Variants in EYA2 observed in about 807,000 individuals in gnomAD.
EYA2 encodes the protein EYA transcriptional coactivator and phosphatase 2, also known as protein phosphatase EYA2.
Under a neutral mutation model 69.2 loss-of-function variants are expected in EYA2, and 31 were observed. The ratio of observed to expected loss-of-function variants is 0.45; its 90% CI spans 0.34 to 0.60. EYA2 has a LOEUF of 0.60. Ranked by LOEUF, EYA2 falls within the 20% of genes least tolerant of loss-of-function variation. The probability of loss-of-function intolerance (pLI) is 0.02; values close to 1 mark genes in which losing one functional copy is unlikely to be tolerated. For missense variants in EYA2, 622 were observed against 701.2 expected (o/e 0.89, Z 1.28); for synonymous variants, 257 against 279.4 (o/e 0.92, Z 0.80).
At chr20:47,040,036 T>C (rs952811442) in intron 5 of EYA2, among the ~76,000 whole-genome samples, 11 of 151,936 alleles carry the variant, frequency 7.2e-5, no homozygotes, top group Non-Finnish European at 1.6e-4. Flanking sequence ...AGACGGGGTT[T>C]CACCATGTTG....
rs2034264442 is a variant in EYA2, at chr20:47,169,064, C to T, written c.979-75C>T. ...TCATCCCAGCCCTCAGCTTATGAGG[C>T]CAACCCTTGAAGGCTACATCAGATT... is the stretch of plus-strand genomic sequence containing the variant. On this transcript the variant is annotated intron_variant, in intron 10 of 15. Coordinates refer to ENST00000327619, the MANE Select transcript of EYA2 (RefSeq NM_005244.5). 2.8e-6 allele frequency: 4 copies of T among 1,414,540 alleles called. No individual in the cohort carries two copies. The South Asian group carries it at 4.6e-5, about 16-fold the overall frequency. The allele number at this position is 1,414,540 out of a possible 1,614,324, so 87.6% of individuals were successfully genotyped here.
intron 1 of EYA2, among the ~76,000 whole-genome samples, chr20:46,983,489 CATCCTT>C (rs1288223764): frequency 6.6e-6 from 1 of 152,196 alleles, no homozygotes; most frequent in African/African-American, 2.4e-5. Flanking sequence ...CAAGGCTCCT[CATCCTT>C]ATTGGCCATG....
chr20:47,008,106 G>A (rs1982832536), intron 4 of EYA2, among the ~76,000 whole-genome samples: 1 of 152,190 alleles, frequency 6.6e-6, no homozygotes, highest in Non-Finnish European at 1.5e-5. Context: ...AACTCTAGAG[G>A]CAGAATTGAC....
At chr20:47,067,629 C>T (rs537200512) in intron 5 of EYA2, among the ~76,000 whole-genome samples, 51 of 152,128 alleles carry the variant, frequency 3.4e-4, no homozygotes, top group Admixed American at 9.8e-4. Flanking sequence ...TTTAATGTAA[C>T]GAACCAAATT....
chr20:46,910,066 G>T (rs1343576941), intron 1 of EYA2, among the ~76,000 whole-genome samples: 6 of 152,158 alleles, frequency 3.9e-5, no homozygotes, highest in Admixed American at 2.6e-4. Flanking sequence ...TTAAGGGTGG[G>T]TCATCTGTAT....
At chr20:47,003,531 A>G (rs1424727486) in intron 3 of EYA2, among the ~76,000 whole-genome samples, 1 of 152,240 alleles carries the variant, frequency 6.6e-6, no homozygotes, top group African/African-American at 2.4e-5. Context: ...GAGAAGGAAG[A>G]CAAAGCGAGT....
At chr20:46,987,964 C>CTCTA (rs1555809797) in intron 1 of EYA2, among the ~76,000 whole-genome samples, 8 of 11,276 alleles carry the variant, frequency 7.1e-4, no homozygotes, top group African/African-American at 1.7e-3. Flanking sequence ...CTCTCTCTCT[C>CTCTA]TATATATATA....
intron 1 of EYA2, among the ~76,000 whole-genome samples, chr20:46,930,158 C>T (rs984173651): frequency 1.3e-5 from 2 of 152,162 alleles, no homozygotes; most frequent in African/African-American, 4.8e-5. Context: ...GACTGTGGTC[C>T]TCCTGAAGAA....
chr20:47,081,878 C>T (rs1326370950), intron 7 of EYA2, among the ~76,000 whole-genome samples: 3 of 151,668 alleles, frequency 2.0e-5, no homozygotes, highest in Admixed American at 6.6e-5. Context: ...CTCGATCTGT[C>T]GCCCAGGCTG....
At chr20:46,906,419 A>G (rs1984360297) in intron 1 of EYA2, among the ~76,000 whole-genome samples, 2 of 152,254 alleles carry the variant, frequency 1.3e-5, no homozygotes, top group Admixed American at 1.3e-4. Flanking sequence ...GGGGAATAAA[A>G]TGAAACAAAT....
chr20:46,984,498 G>T (rs1402344821), intron 1 of EYA2, among the ~76,000 whole-genome samples: 1 of 152,168 alleles, frequency 6.6e-6, no homozygotes, highest in South Asian at 2.1e-4. Context: ...AAACTCACTA[G>T]TAATCCTAGA....
At chr20:47,043,070 G>A (rs932616259) in intron 5 of EYA2, among the ~76,000 whole-genome samples, 2 of 152,146 alleles carry the variant, frequency 1.3e-5, no homozygotes, top group African/African-American at 2.4e-5. Context: ...GGGAGGAAGG[G>A]GAGGATTAAT....
At chr20:47,079,401 C>A (rs2031636828) in intron 7 of EYA2, among the ~76,000 whole-genome samples, 6 of 152,172 alleles carry the variant, frequency 3.9e-5, no homozygotes, top group Admixed American at 3.3e-4. Context: ...TGCCCTTCTA[C>A]CTGCAGAGGC....
Position 47,023,410 on chromosome 20 carries a change from G to T in EYA2, c.415+7113G>T, listed in dbSNP as rs112298571. 7.4e-3 allele frequency among the ~76,000 whole-genome samples: 1,129 copies of T among 152,168 alleles called. 21 individuals are homozygous for T. Among genetic ancestry groups the T allele is most frequent in the African/African-American group, 0.026 (1,074 of 41,490 alleles). ...GTTTTCTTTATGATTCTCGTGCTCT[G>T]TGTTCATTGAGACTCTTAGATCTGT... On this transcript the variant is annotated intron_variant, in intron 5 of 15. Transcript: ENST00000327619.
chr20:47,008,916 G>A (rs1309575225), intron 4 of EYA2, among the ~76,000 whole-genome samples: 1 of 152,208 alleles, frequency 6.6e-6, no homozygotes, highest in African/African-American at 2.4e-5. Context: ...TAAAGGCCCA[G>A]GTGGTAAATA....
intron 1 of EYA2, among the ~76,000 whole-genome samples, chr20:46,933,563 CTG>C (rs1358712429): frequency 3.9e-5 from 6 of 152,192 alleles, no homozygotes; most frequent in African/African-American, 1.4e-4. Context: ...GTGGGTCACT[CTG>C]TTATTGAGGA....
intron 9 of EYA2, among the ~76,000 whole-genome samples, chr20:47,110,297 A>G (rs2032711592): frequency 6.6e-6 from 1 of 152,170 alleles, no homozygotes; most frequent in South Asian, 2.1e-4. Context: ...GCTGAAGCAC[A>G]GTGGTGCAAA....
At chr20:46,917,448 C>G (rs1285922130) in intron 1 of EYA2, among the ~76,000 whole-genome samples, 3 of 152,220 alleles carry the variant, frequency 2.0e-5, no homozygotes, top group Non-Finnish European at 4.4e-5. Context: ...GCTGCACAAA[C>G]CTTTTTGCCA....
intron 2 of EYA2, among the ~76,000 whole-genome samples, chr20:46,991,248 A>G (rs1981640491): frequency 1.3e-5 from 2 of 152,254 alleles, no homozygotes. Flanking sequence ...TTCATTTGAG[A>G]GCCCGTAGTA....
Sources: gnomAD v4.1 joint callset for allele counts (sites outside exome capture counted in the v4.1 genomes callset) on GRCh38, gnomAD v4.1.1 for gene constraint, MANE v1.5 for transcripts, NCBI Gene and HGNC (gene_info 2026-07-23, HGNC 2026-07-21) for gene names.